The following LAYN variants were observed in gnomAD, a reference collection of about 807,000 sequenced individuals.
The protein encoded by LAYN is layilin.
LAYN carries 38 observed loss-of-function variants against 43.6 expected under a neutral mutation model. The observed-to-expected ratio is 0.87, with a 90% confidence interval of 0.67 to 1.14. The LOEUF is 1.14. LAYN is among the 50% of genes most tolerant of loss of function. The pLI is 0.00. For synonymous variants in LAYN, 168 were observed against 172.9 expected (o/e 0.97, Z 0.22); for missense variants, 479 against 463.8 (o/e 1.03, Z -0.30).
Position 111,544,039 on chromosome 11 carries a change from G to A in LAYN, c.202G>A (p.Gly68Ser), listed in dbSNP as rs1484182157. 1.9e-6 allele frequency: 3 copies of A among 1,614,080 alleles called. No homozygotes were observed. The highest frequency in any genetic ancestry group is 2.7e-5 in the African/African-American group (2 of 74,922). ...EAKEACRRDG[G>S]QLVSIESEDE... Reference sequence around the variant, plus strand: ...CAAAGAAGCCTGCAGGAGGGATGGAGGCCAGCTAGTCAGCATCGAGTCTGA... The same window carrying A: ...CAAAGAAGCCTGCAGGAGGGATGGAAGCCAGCTAGTCAGCATCGAGTCTGA... Residue 68 changes from glycine (G) to serine (S), a missense_variant, in exon 2 of 7, where the codon GGC (glycine) becomes AGC (serine). Transcript: ENST00000375614.
intron 3 of LAYN, among the ~76,000 whole-genome samples, chr11:111,553,244 AAAAT>A (rs557098710): frequency 2.6e-5 from 4 of 151,798 alleles, no homozygotes; most frequent in South Asian, 2.1e-4. Flanking sequence ...CTCCATCTCA[AAAAT>A]AAATAAATAA....
chr11:111,561,642 C>T lies in LAYN; in HGVS notation c.*1184C>T, dbSNP rs1323996504. ...CATTATTTAAATCACCAGCAATTTCCCTCAATCAGCTTCATAATCTCATAT... is the reference window on the plus strand; with the variant it reads ...CATTATTTAAATCACCAGCAATTTCTCTCAATCAGCTTCATAATCTCATAT... On this transcript the variant is annotated 3_prime_UTR_variant, in exon 7 of 7. Transcript: ENST00000375614. 1.3e-5 allele frequency: 2 copies of T among 152,072 alleles called. No homozygotes were observed. Among genetic ancestry groups the T allele is most frequent in the African/African-American group, 4.8e-5 (2 of 41,402 alleles). 9.4% of individuals were successfully genotyped at this position (152,072 alleles called of 1,614,324 possible).
intron 3 of LAYN, among the ~76,000 whole-genome samples, chr11:111,551,133 A>G (rs1412867867): frequency 1.3e-5 from 2 of 152,190 alleles, no homozygotes; most frequent in Non-Finnish European, 2.9e-5. Context: ...GCCTGAAGGA[A>G]TAAAAGGAGG....
chr11:111,541,190 G>T, intron 1 of LAYN: 1 of 593,502 alleles, frequency 1.7e-6, no homozygotes, highest in Non-Finnish European at 3.0e-6. Flanking sequence ...TATGGGGGTG[G>T]GTTGGAGAAT....
chr11:111,560,238 T>C lies in LAYN; in HGVS notation c.905T>C (p.Leu302Pro), dbSNP rs762577735. The C allele has an allele frequency of 2.4e-5, 39 of 1,614,082 alleles. No homozygotes were observed. Among genetic ancestry groups the C allele is most frequent in the South Asian group, 1.5e-4 (14 of 91,090 alleles). The change falls in exon 7 of 7, where the codon CTG becomes CCG. Residue 302 changes from leucine to proline, a missense_variant. By Grantham distance (98) the Leu-to-Pro change is moderately conservative. Coordinates refer to ENST00000375614, the MANE Select transcript of LAYN (RefSeq NM_178834.5). Reference sequence around the variant, plus strand: ...GACTTAGCTGAGACCCGGCCAGACCTGAAGAATATTTCATTCCGAGTGTGT... The same window carrying C: ...GACTTAGCTGAGACCCGGCCAGACCCGAAGAATATTTCATTCCGAGTGTGT... Reference protein sequence around the residue: ...EADLAETRPDLKNISFRVCSG... With the variant: ...EADLAETRPDPKNISFRVCSG...
At chr11:111,554,704 G>C in intron 4 of LAYN, 111 bp downstream of exon 4, 1 of 930,650 alleles carries the variant, frequency 1.1e-6, no homozygotes, top group Non-Finnish European at 1.7e-6. Context: ...AAAACTAGTG[G>C]TATTAACTCA....
intron 3 of LAYN, among the ~76,000 whole-genome samples, chr11:111,554,077 C>T (rs1867790461): frequency 6.6e-6 from 1 of 152,204 alleles, no homozygotes; most frequent in Non-Finnish European, 1.5e-5. Flanking sequence ...AGCCCCTAAA[C>T]CACTTTCACT....
intron 6 of LAYN, among the ~76,000 whole-genome samples, chr11:111,559,190 T>G (rs1867900917): frequency 6.6e-6 from 1 of 152,194 alleles, no homozygotes. Context: ...GAATATGTGA[T>G]TAGTAATACA....
chr11:111,542,505 G>C (rs1348295528), intron 1 of LAYN, among the ~76,000 whole-genome samples: 3 of 152,204 alleles, frequency 2.0e-5, no homozygotes, highest in African/African-American at 4.8e-5. Context: ...TAATCATATA[G>C]TTCTATCTGT....
chr11:111,543,073 T>G (rs1017803082), intron 1 of LAYN, among the ~76,000 whole-genome samples: 2 of 152,184 alleles, frequency 1.3e-5, no homozygotes, highest in Non-Finnish European at 2.9e-5. Context: ...CAGTAAAACA[T>G]GAGCCTGGGG....
At chr11:111,556,002 A>G (rs1867833214) in intron 5 of LAYN, among the ~76,000 whole-genome samples, 1 of 152,244 alleles carries the variant, frequency 6.6e-6, no homozygotes, top group South Asian at 2.1e-4. Flanking sequence ...AGCACAACTC[A>G]TACCAAGACT....
chr11:111,559,667 C>A (rs189487056), intron 6 of LAYN, among the ~76,000 whole-genome samples: 1 of 152,150 alleles, frequency 6.6e-6, no homozygotes, highest in Non-Finnish European at 1.5e-5. Context: ...ACATGTTGCC[C>A]AGGCTGGTCT....
At chr11:111,553,832 GT>G (rs1431567756) in intron 3 of LAYN, among the ~76,000 whole-genome samples, 1 of 151,866 alleles carries the variant, frequency 6.6e-6, no homozygotes, top group Non-Finnish European at 1.5e-5. Context: ...CCTTAAGACT[GT>G]GATTTTTAAG....
chr11:111,541,330 G>A, intron 1 of LAYN: 1 of 606,360 alleles, frequency 1.6e-6, no homozygotes, highest in Non-Finnish European at 2.9e-6. Flanking sequence ...CCCGCCTACC[G>A]CCCGCTCCGG....
chr11:111,549,191 T>A (rs556474963), intron 2 of LAYN, among the ~76,000 whole-genome samples: 1 of 152,166 alleles, frequency 6.6e-6, no homozygotes, highest in Non-Finnish European at 1.5e-5. Context: ...TGGTGGCTGT[T>A]GAAAATCATG....
At chr11:111,541,164 G>C (rs1264536390) in intron 1 of LAYN, among the ~76,000 whole-genome samples, 1 of 152,236 alleles carries the variant, frequency 6.6e-6, no homozygotes, top group Non-Finnish European at 1.5e-5. Flanking sequence ...CTCGAAGCCC[G>C]TTCCCAGTCC....
At chr11:111,552,338 C>T (rs1867759435) in intron 3 of LAYN, among the ~76,000 whole-genome samples, 2 of 152,178 alleles carry the variant, frequency 1.3e-5, no homozygotes, top group African/African-American at 4.8e-5. Flanking sequence ...AAGGCTGTCC[C>T]CTTCACTACA....
chr11:111,553,309 G>C (rs1213900387), intron 3 of LAYN, among the ~76,000 whole-genome samples: 2 of 152,026 alleles, frequency 1.3e-5, no homozygotes, highest in African/African-American at 2.4e-5. Flanking sequence ...AATTGAGTTT[G>C]ATTTTATAAA....
In LAYN at chr11:111,560,308, C is replaced by T. The variant is rs1331013423; in HGVS notation, c.975C>T (p.Asn325=). 13 of 1,614,076 alleles carry T rather than the reference C, an allele frequency of 8.1e-6. No homozygotes were observed. Among genetic ancestry groups the T allele is most frequent in the Non-Finnish European group, 1.1e-5 (13 of 1,180,036 alleles). ...TPDDMSCDYD[N]MAVNPSESGF... is the part of the protein sequence containing the mutation. ...ATGACATGTCTTGTGACTATGACAA[C>T]ATGGCTGTGAACCCATCAGAAAGTG... The change falls in exon 7 of 7, where the codon AAC becomes AAT. Residue 325 remains asparagine (N), a synonymous_variant. Coordinates refer to ENST00000375614, the MANE Select transcript of LAYN (RefSeq NM_178834.5).
Sources: gnomAD v4.1 joint callset for allele counts (sites outside exome capture counted in the v4.1 genomes callset) on GRCh38, gnomAD v4.1.1 for gene constraint, MANE v1.5 for transcripts, NCBI Gene and HGNC (gene_info 2026-07-23, HGNC 2026-07-21) for gene names.